ATRN: variants seen among roughly 807,000 people sequenced by gnomAD.
ATRN encodes attractin-2.
In ATRN, 54 loss-of-function variants were observed where a neutral mutation model predicts 178.7. The observed-to-expected ratio is 0.30, with a 90% CI of 0.24 to 0.38. The LOEUF (loss-of-function observed/expected upper bound fraction) is 0.38, where lower values mean the gene tolerates loss of function less well. Among genes scored for constraint, ATRN ranks in the 10% least tolerant of loss-of-function variants. The probability of loss-of-function intolerance (pLI) is 1.00; values close to 1 mark genes in which losing one functional copy is unlikely to be tolerated. For missense variants in ATRN, 1,443 were observed against 1,815.1 expected, an observed-to-expected ratio of 0.79 and a Z score of 3.73; for synonymous variants, 636 against 663.0, an observed-to-expected ratio of 0.96 and a Z score of 0.63.
intron 24 of ATRN, among the ~76,000 whole-genome samples, chr20:3,622,689 A>T (rs2086905915): frequency 6.6e-6 from 1 of 152,236 alleles, no homozygotes; most frequent in Non-Finnish European, 1.5e-5. Flanking sequence ...TTTTCACGTT[A>T]TGACCTTTGC....
Position 3,594,542 on chromosome 20 carries a change from C to G in ATRN, c.3386C>G (p.Thr1129Ser), listed in dbSNP as rs759943342. Reference sequence around the variant, plus strand: ...AACACGGGCAAGTGCTTCTGCACCACCAAGGGCGTCAAGGGGGACGAGTGC... The same window carrying G: ...AACACGGGCAAGTGCTTCTGCACCAGCAAGGGCGTCAAGGGGGACGAGTGC... ...NTNTGKCFCT[T>S]KGVKGDECQL... Residue 1129 changes from threonine to serine, a missense_variant, in exon 20 of 29, where the codon ACC (threonine) becomes AGC (serine). Physicochemically the swap from Thr to Ser is moderately conservative, Grantham distance 58 (BLOSUM62 1). This residue lies in a region of ATRN where 289 missense variants were observed against 440.8 expected (regional missense o/e 0.66). Transcript: ENST00000262919. The G allele has an allele frequency of 5.0e-6, 8 of 1,612,426 alleles. No homozygotes were observed. The African/African-American group carries it at 1.1e-4, about 22-fold the overall frequency.
chr20:3,486,531 C>G (rs1296010810), intron 1 of ATRN, among the ~76,000 whole-genome samples: 1 of 152,070 alleles, frequency 6.6e-6, no homozygotes, highest in African/African-American at 2.4e-5. Flanking sequence ...CTTCACCTTC[C>G]TGAGTAGTTG....
chr20:3,647,074 T>A lies in ATRN; in HGVS notation c.*227T>A. 2.0e-6 allele frequency: 1 copy of A among 498,640 alleles called. No individual in the cohort carries two copies. Among genetic ancestry groups the A allele is most frequent in the Non-Finnish European group, 3.4e-6 (1 of 296,640 alleles). The allele number at this position is 498,640 out of a possible 1,614,324, so 30.9% of individuals were successfully genotyped here. ...TTGCATAGGAAATACTTGATTTAAT[T>A]ACAGGTCCAGGGATGAGCTGATGGT... is the stretch of plus-strand genomic sequence containing the variant. On this transcript the variant is annotated 3_prime_UTR_variant, in exon 29 of 29. Transcript: ENST00000262919.
At position 3,638,759 on chromosome 20, in the gene ATRN, A is replaced by G; in HGVS notation, c.3943-69A>G. On this transcript the variant is annotated intron_variant, in intron 26 of 28. Transcript: ENST00000262919. The surrounding 1 kb of genome is among the most constrained non-coding windows in gnomAD (Gnocchi z 4.5). ...TCAGGGAGGATGAGGTGTTTTTAAC[A>G]TGTAGCATTAACTAATAAAACCCCT... is the stretch of plus-strand genomic sequence containing the variant. The G allele has an allele frequency of 7.5e-7, 1 of 1,341,476 alleles. No individual in the cohort carries two copies. The highest frequency in any genetic ancestry group is 1.8e-5 in the Admixed American group (1 of 54,566). 83.1% of individuals were successfully genotyped at this position (1,341,476 alleles called of 1,614,324 possible).
At chr20:3,489,977 T>G (rs2084762999) in intron 1 of ATRN, 4 of 995,556 alleles carry the variant, frequency 4.0e-6, no homozygotes, top group Non-Finnish European at 6.5e-6. Flanking sequence ...CTGTCCTTGC[T>G]TGCTTGCACT....
At position 3,647,472 on chromosome 20, in the gene ATRN, T is replaced by G. The variant is rs944125101; in HGVS notation, c.*625T>G. ...AATGTCAAGGTCAGCAGTGTTACTT[T>G]GAATGTAAACTGGTATAATAGGTAG... On this transcript the variant is annotated 3_prime_UTR_variant, in exon 29 of 29. Transcript: ENST00000262919. The G allele has an allele frequency of 6.6e-6, 1 of 152,654 alleles. No individual in the cohort carries two copies. Among genetic ancestry groups the G allele is most frequent in the Non-Finnish European group, 1.5e-5 (1 of 68,056 alleles). The allele number at this position is 152,654 out of a possible 1,614,324, so 9.5% of individuals were successfully genotyped here.
chr20:3,620,153 A>AT lies in ATRN; in HGVS notation c.3802-4347dup, dbSNP rs147111966. Among the ~76,000 whole-genome samples the AT allele has an allele frequency of 9.3e-4, 138 of 148,264 alleles. 1 individual carries two copies. The highest frequency in any genetic ancestry group is 3.7e-3 in the Admixed American group (55 of 14,880). On this transcript the variant is annotated intron_variant, in intron 24 of 28. Transcript: ENST00000262919. ...TTTAACCTTCCAATTAAAGGCGAGG[A>AT]TTTTTTTTTTTCAATGCAGTTCCTG...
At chr20:3,588,158 T>A (rs2086384679) in intron 18 of ATRN, among the ~76,000 whole-genome samples, 1 of 152,222 alleles carries the variant, frequency 6.6e-6, no homozygotes, top group Non-Finnish European at 1.5e-5. Flanking sequence ...CTTGCCATCT[T>A]AACAAGGTTA....
Position 3,582,363 on chromosome 20 carries a change from A to G in ATRN, c.2764+9A>G, listed in dbSNP as rs1286494696. On this transcript the variant is annotated intron_variant, in intron 16 of 28. Transcript: ENST00000262919. Reference sequence around the variant, plus strand: ...TGTCTGTGAAAGGCCTGGTAAGTTCACAGGTGAATTAGGTGGTATTCAGAG... The same window carrying G: ...TGTCTGTGAAAGGCCTGGTAAGTTCGCAGGTGAATTAGGTGGTATTCAGAG... 1 of 1,611,368 alleles carries G rather than the reference A, an allele frequency of 6.2e-7. No homozygotes were observed. Among genetic ancestry groups the G allele is most frequent in the East Asian group, 2.2e-5 (1 of 44,886 alleles).
At chr20:3,533,449 C>A (rs151514) in intron 1 of ATRN, among the ~76,000 whole-genome samples, 33,397 of 152,136 alleles carry the variant, frequency 0.22, 4,112 homozygotes, top group African/African-American at 0.3. Flanking sequence ...ATGTCAGTAA[C>A]TTCTGGCTAA....
At chr20:3,627,929 T>G (rs1361225135) in intron 25 of ATRN, among the ~76,000 whole-genome samples, 1 of 152,158 alleles carries the variant, frequency 6.6e-6, no homozygotes, top group Non-Finnish European at 1.5e-5. Flanking sequence ...TCCCAGCACT[T>G]TGGGAGGCCG....
At chr20:3,624,629 AAT>A in intron 25 of ATRN, 57 bp downstream of exon 25, 1 of 1,319,486 alleles carries the variant, frequency 7.6e-7, no homozygotes, top group Non-Finnish European at 1.1e-6. Flanking sequence ...TAGATCCATT[AAT>A]AGAGTATCAG....
In ATRN at chr20:3,612,650, T is replaced by C. The variant is rs6115961; in HGVS notation, c.3801+8388T>C. ...AACATCTCCTGACACTATTAAGATA[T>C]AGATTATATATATTTGTTAGGTTAT... is the stretch of plus-strand genomic sequence containing the variant. On this transcript the variant is annotated intron_variant, in intron 24 of 28. Transcript: ENST00000262919. 8.0e-3 allele frequency among the ~76,000 whole-genome samples: 1,213 copies of C among 152,302 alleles called. 20 individuals carry two copies. Among genetic ancestry groups the C allele is most frequent in the African/African-American group, 0.028 (1,150 of 41,536 alleles).
intron 25 of ATRN, 108 bp from the exon 26 acceptor site, chr20:3,634,203 G>A (rs887742560): frequency 6.1e-5 from 55 of 898,714 alleles, no homozygotes; most frequent in Non-Finnish European, 9.7e-5. Flanking sequence ...AAGGGAGCCC[G>A]GAGGTGGCAT....
intron 24 of ATRN, among the ~76,000 whole-genome samples, chr20:3,617,058 G>A (rs2086854584): frequency 6.6e-6 from 1 of 152,152 alleles, no homozygotes; most frequent in South Asian, 2.1e-4. Flanking sequence ...TTTACGGTAG[G>A]TATCAGAACT....
intron 1 of ATRN, among the ~76,000 whole-genome samples, chr20:3,505,956 T>C (rs1396818302): frequency 1.3e-5 from 2 of 152,094 alleles, no homozygotes; most frequent in Non-Finnish European, 2.9e-5. Context: ...AAAAGGGCAA[T>C]ATGGGGAATC....
intron 18 of ATRN, among the ~76,000 whole-genome samples, chr20:3,587,285 C>A (rs573886759): frequency 6.6e-6 from 1 of 152,184 alleles, no homozygotes; most frequent in Admixed American, 6.5e-5. Context: ...GGTATTGTAT[C>A]TAGAAAATCA....
intron 24 of ATRN, among the ~76,000 whole-genome samples, chr20:3,611,285 A>G (rs1373281673): frequency 2.0e-5 from 3 of 152,222 alleles, no homozygotes; most frequent in Non-Finnish European, 4.4e-5. Context: ...TGCAAACCAT[A>G]TTTCTGGGAA....
At chr20:3,507,307 G>T (rs2085058973) in intron 1 of ATRN, among the ~76,000 whole-genome samples, 1 of 151,894 alleles carries the variant, frequency 6.6e-6, no homozygotes. Context: ...CTACTTGGGA[G>T]GCTGAGGCAG....
Sources: allele counts gnomAD v4.1 joint callset (sites outside exome capture counted in the v4.1 genomes callset), GRCh38; gene constraint gnomAD v4.1.1; regional missense constraint gnomAD v4.1.1; non-coding constraint Gnocchi (gnomAD v3.1); transcripts MANE v1.5; gene names NCBI Gene and HGNC (gene_info 2026-07-23, HGNC 2026-07-21).